The following PLEKHG2 variants were observed in gnomAD, a reference collection of about 807,000 sequenced individuals.
The protein encoded by PLEKHG2 is pleckstrin homology and RhoGEF domain containing G2, also known as pleckstrin homology domain-containing family G member 2.
Under a neutral mutation model 104.4 loss-of-function variants are expected in PLEKHG2, and 71 were observed. The ratio of observed to expected loss-of-function variants is 0.68; its 90% CI spans 0.56 to 0.83. The LOEUF (loss-of-function observed/expected upper bound fraction) is 0.83, where lower values mean the gene tolerates loss of function less well. Among genes scored for constraint, PLEKHG2 ranks in the 40% least tolerant of loss-of-function variants. The pLI is 0.00. For missense variants in PLEKHG2, 1,730 were observed against 1,809.4 expected (o/e 0.96, Z 0.80); for synonymous variants, 728 against 737.0 (o/e 0.99, Z 0.20).
In PLEKHG2 at chr19:39,423,516, C is replaced by A; in HGVS notation, c.2462C>A (p.Ala821Asp). The A allele has an allele frequency of 6.3e-7, 1 of 1,575,336 alleles. No homozygotes were observed. The highest frequency in any genetic ancestry group is 1.8e-5 in the Admixed American group (1 of 55,842). ...ACGGCGTCCCGAGTGCGAGAGCTGG[C>A]CCGGCTTTACAGCGAGCGGATCCAG... Reference protein sequence around the residue: ...ERTASRVRELARLYSERIQQM... With the variant: ...ERTASRVRELDRLYSERIQQM... Residue 821 changes from alanine (A) to aspartate (D), a missense_variant, in exon 18 of 19, where the codon GCC becomes GAC. By Grantham distance (126) the Ala-to-Asp change is moderately radical. Coordinates refer to ENST00000425673, the MANE Select transcript of PLEKHG2 (RefSeq NM_022835.3).
At chr19:39,421,425 C>A in intron 16 of PLEKHG2, 126 bp downstream of exon 16, 4 of 1,074,984 alleles carry the variant, frequency 3.7e-6, no homozygotes, top group African/African-American at 1.6e-5. Flanking sequence ...GTAACTCATG[C>A]CTGTAATCTC....
chr19:39,417,681 G>A lies in PLEKHG2; in HGVS notation c.871G>A (p.Ala291Thr). 1 of 1,613,276 alleles carries A rather than the reference G, an allele frequency of 6.2e-7. No homozygotes were observed. The highest frequency in any genetic ancestry group is 2.2e-5 in the East Asian group (1 of 44,784). ...NDMKRKQEHA[A>T]RLQEVQRRLG... ...CATGAAGCGCAAGCAGGAGCATGCAGCGCGCCTCCAGGTGGCCCCAGGGTG... is the reference window on the plus strand; with the variant it reads ...CATGAAGCGCAAGCAGGAGCATGCAACGCGCCTCCAGGTGGCCCCAGGGTG... Residue 291 changes from alanine (A) to threonine (T), a missense_variant, in exon 8 of 19, where the codon GCG becomes ACG. Transcript: ENST00000425673.
chr19:39,417,952 T>G lies in PLEKHG2; in HGVS notation c.930T>G (p.Ala310=), dbSNP rs574057689. ...LGGWTGPELS[A]FGELVLEGAF... ...GCTGGACCGGACCAGAGCTCAGTGC[T>G]TTTGGGGAACTGGTGTTGGAGGGCG... is the stretch of plus-strand genomic sequence containing the variant. Residue 310 remains alanine, a synonymous_variant, in exon 9 of 19, where the codon GCT becomes GCG. Transcript: ENST00000425673. 9.4e-5 allele frequency: 145 copies of G among 1,543,442 alleles called. 1 individual carries two copies. In the South Asian group the frequency reaches 1.6e-3, roughly 17 times the overall value.
In PLEKHG2 at chr19:39,416,546, C is replaced by A; in HGVS notation, c.547-5C>A. The A allele has an allele frequency of 6.2e-7, 1 of 1,611,258 alleles. No individual in the cohort carries two copies. The highest frequency in any genetic ancestry group is 1.1e-5 in the South Asian group (1 of 90,930). ...GGGTCTCCCTGACTCCCATGTCACCCGCAGAGCGAGGATTTTGACATCTAC... is the reference window on the plus strand; with the variant it reads ...GGGTCTCCCTGACTCCCATGTCACCAGCAGAGCGAGGATTTTGACATCTAC... On this transcript the variant is annotated splice_polypyrimidine_tract_variant and splice_region_variant and intron_variant, in intron 5 of 18. Coordinates refer to ENST00000425673, the MANE Select transcript of PLEKHG2 (RefSeq NM_022835.3). The surrounding 1 kb of genome is among the most constrained non-coding windows in gnomAD (Gnocchi z 4.5).
rs781036153 is a variant in PLEKHG2 at position 39,422,273 on chromosome 19, C to G, written c.1662C>G (p.Gly554=). Residue 554 remains glycine (G), a synonymous_variant, in exon 17 of 19, where the codon GGC becomes GGG. Coordinates refer to ENST00000425673, the MANE Select transcript of PLEKHG2 (RefSeq NM_022835.3). ...TCCTGGAACTGCTGAATCAGCGAGG[C>G]CTTCGAGATCCAGGGGTGAGCTGGC... ...EEILELLNQR[G]LRDPGPSTHD... The G allele has an allele frequency of 7.4e-6, 12 of 1,611,660 alleles. No homozygotes were observed. The East Asian group carries it at 1.3e-4, about 18-fold the overall frequency.
intron 2 of PLEKHG2, 41 bp from the exon 3 acceptor site, chr19:39,414,951 A>T: frequency 1.3e-6 from 2 of 1,540,016 alleles, no homozygotes; most frequent in South Asian, 2.5e-5. Context: ...AAGTCCGTGC[A>T]TGGGGAGATT....
Position 39,424,099 on chromosome 19 carries a change from CT to C in PLEKHG2, c.2967del (p.Glu990SerfsTer56). On this transcript the variant is annotated frameshift_variant, in exon 19 of 19. Transcript: ENST00000425673. LOFTEE classifies it low-confidence loss of function (END_TRUNC). ...EIQVPATTPL[P>X]EHRSHMVIPA... ...CAAGTTCCAGCCACCACTCCTTTGC[CT>C]GAGCATAGAAGTCACATGGTTATAC... 6.2e-7 allele frequency: 1 copy of C among 1,614,076 alleles called. No homozygotes were observed. The highest frequency in any genetic ancestry group is 8.5e-7 in the Non-Finnish European group (1 of 1,179,980).
In PLEKHG2 at chr19:39,422,761, C is replaced by G. The variant is rs145859648; in HGVS notation, c.1707C>G (p.Pro569=). Residue 569 remains proline, a synonymous_variant, in exon 18 of 19, where the codon CCC becomes CCG. Coordinates refer to ENST00000425673, the MANE Select transcript of PLEKHG2 (RefSeq NM_022835.3). ...GPSTHDIPKF[P]GDSQVPGDSE... ...CCACCCATGACATTCCCAAGTTCCC[C>G]GGAGACTCCCAGGTGCCTGGCGACA... 7.9e-6 allele frequency: 12 copies of G among 1,523,566 alleles called. No homozygotes were observed. In the Admixed American group the frequency reaches 1.3e-4, roughly 17 times the overall value. 94.4% of individuals were successfully genotyped at this position (1,523,566 alleles called of 1,614,324 possible). A position where few individuals can be genotyped will look rare whatever the true frequency, so the allele number is the denominator to read the frequency against.
chr19:39,425,008 GGCGGCAGGGGCCT>G lies in PLEKHG2; in HGVS notation c.3877_3889del (p.Arg1293GlyfsTer62), dbSNP rs778985952. On this transcript the variant is annotated frameshift_variant, in exon 19 of 19. Coordinates refer to ENST00000425673, the MANE Select transcript of PLEKHG2 (RefSeq NM_022835.3). LOFTEE classifies it high-confidence loss of function. ...TCATATATCAGCCAGAGCCTGGCTCGGCGGCAGGGGCCTGGGGGAGGGGCCCCCGCAGCCTCCC... is the reference window on the plus strand; with the variant it reads ...TCATATATCAGCCAGAGCCTGGCTCGGGGGGAGGGGCCCCCGCAGCCTCCC... 5.6e-6 allele frequency: 9 copies of G among 1,608,596 alleles called. No homozygotes were observed. The highest frequency in any genetic ancestry group is 7.6e-6 in the Non-Finnish European group (9 of 1,176,708).
Position 39,415,630 on chromosome 19 carries a change from G to A in PLEKHG2, c.479+191G>A, listed in dbSNP as rs1002656789. Among the ~76,000 whole-genome samples the A allele has an allele frequency of 6.6e-5, 10 of 151,640 alleles. No individual in the cohort carries two copies. Among genetic ancestry groups the A allele is most frequent in the African/African-American group, 1.7e-4 (7 of 41,202 alleles). ...GGGGCATAGGGGATGGGAGGACCCC[G>A]AGTGAGGGAGGGGCATAGCGGATGG... On this transcript the variant is annotated intron_variant, in intron 4 of 18. Coordinates refer to ENST00000425673, the MANE Select transcript of PLEKHG2 (RefSeq NM_022835.3). The surrounding 1 kb of genome is among the most constrained non-coding windows in gnomAD (Gnocchi z 4.6).
At chr19:39,419,706 T>C (rs964396140) in intron 11 of PLEKHG2, among the ~76,000 whole-genome samples, 1 of 151,582 alleles carries the variant, frequency 6.6e-6, no homozygotes, top group African/African-American at 2.4e-5. Context: ...TGAAACCCCA[T>C]CTCTACCAAA....
chr19:39,422,650 A>G (rs915841089), intron 17 of PLEKHG2, 82 bp from the exon 18 acceptor site: 53 of 1,458,624 alleles, frequency 3.6e-5, no homozygotes, highest in Non-Finnish European at 4.6e-5. Flanking sequence ...CAGCCTCCCA[A>G]AGTGCTGGGA....
At chr19:39,420,131 G>A (rs550503779) in intron 11 of PLEKHG2, among the ~76,000 whole-genome samples, 5 of 152,228 alleles carry the variant, frequency 3.3e-5, no homozygotes, top group South Asian at 4.1e-4. Context: ...AGGCCAAGGC[G>A]GGTGGATCAC....
intron 2 of PLEKHG2, among the ~76,000 whole-genome samples, chr19:39,414,408 A>C (rs2078568520): frequency 6.6e-6 from 1 of 152,226 alleles, no homozygotes; most frequent in African/African-American, 2.4e-5. Flanking sequence ...TGAGCTCGGA[A>C]GGTCAGGGGA....
intron 2 of PLEKHG2, among the ~76,000 whole-genome samples, chr19:39,414,664 C>T (rs1226431090): frequency 6.6e-6 from 1 of 152,052 alleles, no homozygotes; most frequent in Non-Finnish European, 1.5e-5. Context: ...TGCCCAGTGC[C>T]CTGTGGATCT....
In PLEKHG2 at chr19:39,416,804, G is replaced by C; in HGVS notation, c.594-46G>C. ...CCCCTCCCTAACCCCTCTTGACCCC[G>C]CCCACTGGAACTGACAATCCCCACT... is the stretch of plus-strand genomic sequence containing the variant. On this transcript the variant is annotated intron_variant, in intron 6 of 18. Coordinates refer to ENST00000425673, the MANE Select transcript of PLEKHG2 (RefSeq NM_022835.3). The surrounding 1 kb of genome is among the most constrained non-coding windows in gnomAD (Gnocchi z 4.5). 6.8e-7 allele frequency: 1 copy of C among 1,470,920 alleles called. No homozygotes were observed. Among genetic ancestry groups the C allele is most frequent in the Non-Finnish European group, 9.1e-7 (1 of 1,100,606 alleles). 91.1% of individuals were successfully genotyped at this position (1,470,920 alleles called of 1,614,324 possible). A position where few individuals can be genotyped will look rare whatever the true frequency, so the allele number is the denominator to read the frequency against.
Position 39,425,098 on chromosome 19 carries a change from A to G in PLEKHG2, c.3965A>G (p.Gln1322Arg). 1 of 1,587,976 alleles carries G rather than the reference A, an allele frequency of 6.3e-7. No homozygotes were observed. Among genetic ancestry groups the G allele is most frequent in the Non-Finnish European group, 8.6e-7 (1 of 1,167,058 alleles). Residue 1322 changes from glutamine to arginine, a missense_variant, in exon 19 of 19, where the codon CAG (glutamine) becomes CGG (arginine). By Grantham distance (43) the Gln-to-Arg change is conservative (BLOSUM62 1). Transcript: ENST00000425673. ...TCACGGGCATCTTCGCCGCCCCCCC[A>G]GCCCCAGCCACCACCTCCCCCAGCC... ...PTSRASSPPP[Q>R]PQPPPPPARR...
At position 39,425,510 on chromosome 19, in the gene PLEKHG2, C is replaced by A; in HGVS notation, c.*216C>A. On this transcript the variant is annotated 3_prime_UTR_variant, in exon 19 of 19. Transcript: ENST00000425673. ...AATGTTTTGTTAATACTGATTCTTT[C>A]ATGCAATGATGTGTATTTTCCCATT... The A allele has an allele frequency of 1.4e-6, 1 of 714,408 alleles. No individual in the cohort carries two copies. Among genetic ancestry groups the A allele is most frequent in the African/African-American group, 1.8e-5 (1 of 54,084 alleles). 44.3% of individuals were successfully genotyped at this position (714,408 alleles called of 1,614,324 possible). A position where few individuals can be genotyped will look rare whatever the true frequency, so the allele number is the denominator to read the frequency against.
chr19:39,423,289 G>A lies in PLEKHG2; in HGVS notation c.2235G>A (p.Gln745=). ...AAGGGGTATCATTCACAGACTTCCAGCCCCAGGATGTCACCCAACATCAGG... is the reference window on the plus strand; with the variant it reads ...AAGGGGTATCATTCACAGACTTCCAACCCCAGGATGTCACCCAACATCAGG... The part of the protein sequence containing the change: ...DEEGVSFTDF[Q]PQDVTQHQGF... The change falls in exon 18 of 19, where the codon CAG becomes CAA. Residue 745 remains glutamine, a synonymous_variant. Coordinates refer to ENST00000425673, the MANE Select transcript of PLEKHG2 (RefSeq NM_022835.3). 1 of 1,614,070 alleles carries A rather than the reference G, an allele frequency of 6.2e-7. No individual in the cohort carries two copies. The highest frequency in any genetic ancestry group is 1.3e-5 in the African/African-American group (1 of 75,064).
Sources: gnomAD v4.1 joint callset for allele counts (sites outside exome capture counted in the v4.1 genomes callset) on GRCh38, gnomAD v4.1.1 for gene constraint, Gnocchi (gnomAD v3.1) non-coding constraint, MANE v1.5 for transcripts, NCBI Gene and HGNC (gene_info 2026-07-23, HGNC 2026-07-21) for gene names.